Variants in ENTREP2 observed in about 807,000 individuals in gnomAD.
The protein encoded by ENTREP2 is protein ENTREP2.
At chr15:29,356,682 C>T in the ENTREP2 span, among the ~76,000 whole-genome samples, 1 of 151,956 alleles carries the variant, frequency 6.6e-6, no homozygotes, top group Non-Finnish European at 1.5e-5. Context: ...AGAAGATATG[C>T]AAGTCCTCTG....
chr15:29,188,357 C>T, the ENTREP2 span, among the ~76,000 whole-genome samples: 1 of 152,066 alleles, frequency 6.6e-6, no homozygotes, highest in African/African-American at 2.4e-5. Flanking sequence ...AACACATCAT[C>T]TAGGTTTTAA....
chr15:29,368,337 A>AAAATATATATAT, the ENTREP2 span, among the ~76,000 whole-genome samples: 13 of 146,182 alleles, frequency 8.9e-5, no homozygotes, highest in Admixed American at 4.1e-4. Context: ...CAAAAAAAAA[A>AAAATATATATAT]ATATATATAT....
the ENTREP2 span, among the ~76,000 whole-genome samples, chr15:29,275,017 C>T: frequency 6.6e-6 from 1 of 152,158 alleles, no homozygotes; most frequent in Non-Finnish European, 1.5e-5. Flanking sequence ...CCTCTTGGTA[C>T]AGTAAAGCTA....
the ENTREP2 span, among the ~76,000 whole-genome samples, chr15:29,603,502 G>A: frequency 6.6e-6 from 1 of 152,138 alleles, no homozygotes; most frequent in Admixed American, 6.6e-5. Context: ...CCTGAGCAAG[G>A]GGGCTCTCCC....
chr15:29,442,467 C>T, the ENTREP2 span, among the ~76,000 whole-genome samples: 1 of 152,154 alleles, frequency 6.6e-6, no homozygotes, highest in Non-Finnish European at 1.5e-5. Context: ...TTGGAGAAAT[C>T]ACGTTTTATT....
chr15:29,552,896 G>C, the ENTREP2 span, among the ~76,000 whole-genome samples: 1 of 152,158 alleles, frequency 6.6e-6, no homozygotes, highest in Non-Finnish European at 1.5e-5. Flanking sequence ...CGGCACATCT[G>C]AACTAGATGT....
the ENTREP2 span, among the ~76,000 whole-genome samples, chr15:29,427,245 G>A: frequency 6.6e-5 from 10 of 152,242 alleles, no homozygotes; most frequent in Non-Finnish European, 1.5e-5. Flanking sequence ...TTTCAAAGAA[G>A]TGAGAGCAAT....
the ENTREP2 span, among the ~76,000 whole-genome samples, chr15:29,636,533 T>C: frequency 6.6e-6 from 1 of 152,200 alleles, no homozygotes; most frequent in Admixed American, 6.5e-5. Context: ...GCCACTGAAA[T>C]TGTGAAGTTG....
the ENTREP2 span, among the ~76,000 whole-genome samples, chr15:29,588,383 G>A: frequency 2.0e-5 from 3 of 151,754 alleles, no homozygotes; most frequent in Non-Finnish European, 2.9e-5. Flanking sequence ...CAGGAGAATC[G>A]CTTGAACCTG....
At chr15:29,641,463 A>G in the ENTREP2 span, among the ~76,000 whole-genome samples, 1 of 152,224 alleles carries the variant, frequency 6.6e-6, no homozygotes, top group African/African-American at 2.4e-5. Flanking sequence ...AGTTCAGCCA[A>G]GTTTCAGGAT....
the ENTREP2 span, among the ~76,000 whole-genome samples, chr15:29,310,425 G>T: frequency 6.6e-6 from 1 of 152,190 alleles, no homozygotes; most frequent in African/African-American, 2.4e-5. Context: ...CGGTCAAGGG[G>T]ACATCTCTAG....
chr15:29,162,966 A>G, the ENTREP2 span, among the ~76,000 whole-genome samples: 2 of 152,152 alleles, frequency 1.3e-5, no homozygotes, highest in African/African-American at 4.8e-5. Flanking sequence ...AGAGACCCAT[A>G]GACGGTTCAC....
the ENTREP2 span, among the ~76,000 whole-genome samples, chr15:29,458,770 G>C: frequency 1.3e-5 from 2 of 152,176 alleles, no homozygotes; most frequent in African/African-American, 4.8e-5. Flanking sequence ...GTTTTTTTCT[G>C]GTTTGTACTC....
the ENTREP2 span, among the ~76,000 whole-genome samples, chr15:29,589,888 C>T: frequency 1.3e-5 from 2 of 152,152 alleles, no homozygotes; most frequent in Admixed American, 6.5e-5. Flanking sequence ...GGATTATACA[C>T]GGGATTGTTG....
chr15:29,464,148 T>C, the ENTREP2 span, among the ~76,000 whole-genome samples: 3 of 151,992 alleles, frequency 2.0e-5, no homozygotes, highest in Non-Finnish European at 2.9e-5. Flanking sequence ...GCAATGAGAA[T>C]GTACTTACTG....
At chr15:29,613,265 T>C in the ENTREP2 span, 1 of 173,610 alleles carries the variant, frequency 5.8e-6, no homozygotes, top group Admixed American at 6.2e-5. Context: ...TTCTAGCGCA[T>C]CGGGTAGTGA....
chr15:29,211,102 A>G, the ENTREP2 span, among the ~76,000 whole-genome samples: 1 of 152,242 alleles, frequency 6.6e-6, no homozygotes, highest in African/African-American at 2.4e-5. Flanking sequence ...GTTACTACAT[A>G]ATAATGGAAA....
the ENTREP2 span, among the ~76,000 whole-genome samples, chr15:29,557,533 C>T: frequency 3.9e-5 from 6 of 152,226 alleles, no homozygotes; most frequent in South Asian, 1.0e-3. Flanking sequence ...TTCAAGAGAC[C>T]GCTGCTGGAA....
the ENTREP2 span, among the ~76,000 whole-genome samples, chr15:29,210,925 C>A: frequency 6.6e-6 from 1 of 152,210 alleles, no homozygotes; most frequent in Non-Finnish European, 1.5e-5. Flanking sequence ...CAATTCATCT[C>A]TTTCCTATGT....
Sources: gnomAD v4.1 joint callset for allele counts (sites outside exome capture counted in the v4.1 genomes callset) on GRCh38, gnomAD v4.1.1 for gene constraint, MANE v1.5 for transcripts, NCBI Gene and HGNC (gene_info 2026-07-23, HGNC 2026-07-21) for gene names.